The following HIVEP2 variants were observed in gnomAD, a reference collection of about 807,000 sequenced individuals.
The protein encoded by HIVEP2 is HIVEP zinc finger 2, also known as transcription factor HIVEP2.
A neutral mutation model predicts 180.7 loss-of-function variants in HIVEP2; 14 were observed. The ratio of observed to expected loss-of-function variants is 0.08; its 90% CI spans 0.05 to 0.12. HIVEP2 has a LOEUF of 0.12. Among genes scored for constraint, HIVEP2 ranks in the 10% least tolerant of loss-of-function variants. The pLI is 1.00. For missense variants in HIVEP2, 2,579 were observed against 3,008.5 expected (o/e 0.86, Z 3.34); for synonymous variants, 1,184 against 1,136.4 (o/e 1.04, Z -0.84).
At chr6:142,762,518 A>G (rs1775275459) in intron 7 of HIVEP2, among the ~76,000 whole-genome samples, 1 of 151,920 alleles carries the variant, frequency 6.6e-6, no homozygotes, top group African/African-American at 2.4e-5. Flanking sequence ...TATGCCATAT[A>G]ACTTATCAAA....
intron 2 of HIVEP2, among the ~76,000 whole-genome samples, chr6:142,822,777 G>T (rs1777072948): frequency 2.0e-5 from 3 of 152,102 alleles, no homozygotes; most frequent in Admixed American, 2.0e-4. Context: ...TTCCAACTGT[G>T]TGGAGAAAAA....
intron 2 of HIVEP2, among the ~76,000 whole-genome samples, chr6:142,806,681 A>G (rs1026469797): frequency 6.6e-6 from 1 of 152,224 alleles, no homozygotes; most frequent in African/African-American, 2.4e-5. Flanking sequence ...TAAATAAGAC[A>G]TAATTCTTAT....
chr6:142,773,766 C>G lies in HIVEP2; in HGVS notation c.973G>C (p.Val325Leu). The change falls in exon 5 of 10, where the codon GTG (valine) becomes CTG (leucine). Residue 325 changes from valine (V) to leucine (L), a missense_variant. Around this residue, in one of 11 missense-constraint regions of HIVEP2, gnomAD observed 142 missense variants for 135.2 expected, o/e 1.05. Coordinates refer to ENST00000367603, the MANE Select transcript of HIVEP2 (RefSeq NM_006734.4). ...LEESLGGPMKVPILIIPKSGI... is the reference protein window; with the variant it reads ...LEESLGGPMKLPILIIPKSGI... Reference sequence around the variant, plus strand: ...CTTTTAGGGATAATCAAAATCGGCACCTTCATTGGACCTCCCAATGATTCT... The same window carrying G: ...CTTTTAGGGATAATCAAAATCGGCAGCTTCATTGGACCTCCCAATGATTCT... 1.2e-6 allele frequency: 2 copies of G among 1,613,998 alleles called. No individual in the cohort carries two copies. The highest frequency in any genetic ancestry group is 2.2e-5 in the East Asian group (1 of 44,870).
At chr6:142,850,096 T>C (rs1057360119) in intron 1 of HIVEP2, among the ~76,000 whole-genome samples, 11 of 152,206 alleles carry the variant, frequency 7.2e-5, no homozygotes, top group African/African-American at 2.7e-4. Flanking sequence ...TGGTCGAAAC[T>C]GTGAAGCAGT....
Position 142,837,095 on chromosome 6 carries a change from T to C in HIVEP2, c.-640-48A>G, listed in dbSNP as rs576078414. 5 of 152,290 alleles carry C rather than the reference T, an allele frequency of 3.3e-5. No individual in the cohort carries two copies. The South Asian group carries it at 1.0e-3, about 32-fold the overall frequency. 9.4% of individuals were successfully genotyped at this position (152,290 alleles called of 1,614,324 possible). A position where few individuals can be genotyped will look rare whatever the true frequency, so the allele number is the denominator to read the frequency against. ...CTACATTTAAACCGGAGCGTGATTA[T>C]AGGAGCTATACATTAATAACACAAA... On this transcript the variant is annotated intron_variant, in intron 1 of 9. Coordinates refer to ENST00000367603, the MANE Select transcript of HIVEP2 (RefSeq NM_006734.4).
At chr6:142,767,931 G>T (rs979418201) in intron 6 of HIVEP2, among the ~76,000 whole-genome samples, 1 of 152,182 alleles carries the variant, frequency 6.6e-6, no homozygotes, top group Non-Finnish European at 1.5e-5. Context: ...TCCCATTAAA[G>T]CCTCTAGTTT....
At chr6:142,816,710 T>G (rs1437253914) in intron 2 of HIVEP2, among the ~76,000 whole-genome samples, 1 of 152,208 alleles carries the variant, frequency 6.6e-6, no homozygotes, top group Admixed American at 6.5e-5. Flanking sequence ...TCAATCTTAA[T>G]GCACAAGGCT....
intron 1 of HIVEP2, among the ~76,000 whole-genome samples, chr6:142,914,414 A>T (rs1777498478): frequency 6.6e-6 from 1 of 152,160 alleles, no homozygotes; most frequent in Non-Finnish European, 1.5e-5. Flanking sequence ...ATAAAGATTA[A>T]ATTAGTTAAT....
intron 7 of HIVEP2, among the ~76,000 whole-genome samples, chr6:142,764,295 G>C (rs1775327741): frequency 6.6e-6 from 1 of 152,172 alleles, no homozygotes. Context: ...TCTCTGTGCT[G>C]ATAAAAACAG....
intron 1 of HIVEP2, among the ~76,000 whole-genome samples, chr6:142,903,165 C>G (rs948025990): frequency 4.6e-5 from 7 of 152,128 alleles, no homozygotes; most frequent in Admixed American, 3.3e-4. Context: ...CACTATACCC[C>G]CATAAATATT....
chr6:142,834,408 C>A (rs1446051935), intron 2 of HIVEP2, among the ~76,000 whole-genome samples: 1 of 152,138 alleles, frequency 6.6e-6, no homozygotes, highest in Non-Finnish European at 1.5e-5. Context: ...AATTACTGCT[C>A]TTTAACCCAA....
At chr6:142,828,445 T>C (rs529536911) in intron 2 of HIVEP2, among the ~76,000 whole-genome samples, 1 of 146,842 alleles carries the variant, frequency 6.8e-6, no homozygotes, top group Admixed American at 6.8e-5. Context: ...GTTGAGCTAA[T>C]TTTTTTTTTT....
intron 1 of HIVEP2, among the ~76,000 whole-genome samples, chr6:142,839,698 T>A (rs1775314892): frequency 6.6e-6 from 1 of 152,118 alleles, no homozygotes; most frequent in Non-Finnish European, 1.5e-5. Flanking sequence ...ATCATACTGT[T>A]GCAATACTGA....
intron 1 of HIVEP2, among the ~76,000 whole-genome samples, chr6:142,915,807 A>G (rs1483176526): frequency 2.4e-4 from 36 of 152,054 alleles, no homozygotes; most frequent in Admixed American, 2.3e-3. Context: ...AAGGACACCC[A>G]CTTCCATCTC....
chr6:142,849,480 A>G (rs1289475119), intron 1 of HIVEP2, among the ~76,000 whole-genome samples: 2 of 152,098 alleles, frequency 1.3e-5, no homozygotes, highest in Non-Finnish European at 2.9e-5. Context: ...GAAGACTATT[A>G]GCATCATTAG....
chr6:142,814,445 T>C (rs923711582), intron 2 of HIVEP2, among the ~76,000 whole-genome samples: 1 of 151,936 alleles, frequency 6.6e-6, no homozygotes, highest in African/African-American at 2.4e-5. Context: ...CAGTCAAGAG[T>C]TGACTGCAAT....
chr6:142,866,727 T>C (rs1281595848), intron 1 of HIVEP2, among the ~76,000 whole-genome samples: 1 of 152,142 alleles, frequency 6.6e-6, no homozygotes, highest in Non-Finnish European at 1.5e-5. Flanking sequence ...AAGGGCTTTC[T>C]CTTTATCTTT....
intron 2 of HIVEP2, among the ~76,000 whole-genome samples, chr6:142,785,420 T>G (rs1335988591): frequency 6.7e-6 from 1 of 150,346 alleles, no homozygotes; most frequent in Non-Finnish European, 1.5e-5. Context: ...GCCAAGGTTC[T>G]AAAGATGCAG....
chr6:142,773,837 A>T lies in HIVEP2; in HGVS notation c.902T>A (p.Ile301Asn). Residue 301 changes from isoleucine (I) to asparagine (N), a missense_variant, in exon 5 of 10, where the codon ATC becomes AAC. Ile to Asn is a moderately radical substitution (Grantham distance 149). Transcript: ENST00000367603. The stretch of plus-strand genomic sequence containing the variant: ...GCCTCTGCTGGCAATGTCCAGTGGG[A>T]TGGGTGGACCAGGACTCATTTTGTC... ...ASDKMSPGPP[I>N]PLDIASRGGY... The T allele has an allele frequency of 6.2e-7, 1 of 1,613,630 alleles. No homozygotes were observed. The highest frequency in any genetic ancestry group is 8.5e-7 in the Non-Finnish European group (1 of 1,179,992).
Sources: allele counts gnomAD v4.1 joint callset (sites outside exome capture counted in the v4.1 genomes callset), GRCh38; gene constraint gnomAD v4.1.1; regional missense constraint gnomAD v4.1.1; transcripts MANE v1.5; gene names NCBI Gene and HGNC (gene_info 2026-07-23, HGNC 2026-07-21).